The following SDK1 variants were observed in gnomAD, a reference collection of about 807,000 sequenced individuals.
SDK1 encodes sidekick cell adhesion molecule 1.
A neutral mutation model predicts 245.5 loss-of-function variants in SDK1; 157 were observed. That is an observed-to-expected ratio of 0.64 (90% CI 0.56 to 0.73). The LOEUF is 0.73. Among genes scored for constraint, SDK1 ranks in the 30% least tolerant of loss-of-function variants. The pLI is 0.00. For synonymous variants in SDK1, 1,647 were observed against 1,278.5 expected, an observed-to-expected ratio of 1.29 and a Z score of -6.15; for missense variants, 3,583 against 3,002.3, an observed-to-expected ratio of 1.19 and a Z score of -4.52.
chr7:3,662,134 G>A (rs557994858), intron 4 of SDK1, among the ~76,000 whole-genome samples: 5 of 148,978 alleles, frequency 3.4e-5, no homozygotes, highest in Admixed American at 1.3e-4. Context: ...CATCCCATCT[G>A]GAGGCACAAC....
intron 38 of SDK1, among the ~76,000 whole-genome samples, chr7:4,214,776 C>T (rs1784697607): frequency 6.6e-6 from 1 of 152,232 alleles, no homozygotes; most frequent in Non-Finnish European, 1.5e-5. Flanking sequence ...CAGCCCCCAC[C>T]CAATGGCCTT....
intron 22 of SDK1, among the ~76,000 whole-genome samples, chr7:4,092,437 C>G (rs751702785): frequency 3.3e-5 from 5 of 152,174 alleles, no homozygotes; most frequent in Non-Finnish European, 7.4e-5. Context: ...CTGTCCTAAA[C>G]TCCAGGCAGC....
At position 4,196,454 on chromosome 7, in the gene SDK1, C is replaced by T. The variant is rs559617056; in HGVS notation, c.5099-9425C>T. 2.0e-5 allele frequency among the ~76,000 whole-genome samples: 3 copies of T among 152,232 alleles called. No homozygotes were observed. In the South Asian group the frequency reaches 6.2e-4, roughly 31 times the overall value. On this transcript the variant is annotated intron_variant, in intron 35 of 44. Coordinates refer to ENST00000404826, the MANE Select transcript of SDK1 (RefSeq NM_152744.4). Reference sequence around the variant, plus strand: ...CTCTGATCTCTAAAGCCATTCAGTCCCCTGGACGTGCGGTGCCGTCTCTCC... The same window carrying T: ...CTCTGATCTCTAAAGCCATTCAGTCTCCTGGACGTGCGGTGCCGTCTCTCC...
intron 4 of SDK1, among the ~76,000 whole-genome samples, chr7:3,778,117 C>T (rs1780618584): frequency 6.6e-6 from 1 of 152,164 alleles, no homozygotes; most frequent in Admixed American, 6.5e-5. Context: ...AATGCATTTC[C>T]CATGCCGTCG....
At chr7:4,159,382 G>A (rs576598835) in intron 31 of SDK1, among the ~76,000 whole-genome samples, 46 of 152,116 alleles carry the variant, frequency 3.0e-4, no homozygotes, top group Non-Finnish European at 6.5e-4. Flanking sequence ...AACCATTCCC[G>A]GCTTCTCAGC....
intron 1 of SDK1, among the ~76,000 whole-genome samples, chr7:3,584,153 T>C (rs1271847011): frequency 6.6e-6 from 1 of 152,214 alleles, no homozygotes; most frequent in East Asian, 1.9e-4. Flanking sequence ...ATTCTGTGCT[T>C]ATATGAATTT....
chr7:3,937,810 G>A (rs1216441154), intron 5 of SDK1, among the ~76,000 whole-genome samples: 3 of 152,152 alleles, frequency 2.0e-5, no homozygotes, highest in Non-Finnish European at 4.4e-5. Flanking sequence ...GCCCGGGCTT[G>A]CATGTTTGGC....
intron 4 of SDK1, among the ~76,000 whole-genome samples, chr7:3,774,312 A>G (rs931272010): frequency 6.6e-6 from 1 of 152,138 alleles, no homozygotes; most frequent in African/African-American, 2.4e-5. Flanking sequence ...AAGGTGCAGC[A>G]ACAGCGGCCA....
intron 1 of SDK1, among the ~76,000 whole-genome samples, chr7:3,511,700 A>T (rs568478716): frequency 6.6e-6 from 1 of 152,242 alleles, no homozygotes; most frequent in East Asian, 1.9e-4. Flanking sequence ...GTCACTGTGG[A>T]CAGTTAAAGC....
At chr7:3,960,200 C>G (rs959171796) in intron 8 of SDK1, among the ~76,000 whole-genome samples, 1 of 152,210 alleles carries the variant, frequency 6.6e-6, no homozygotes, top group African/African-American at 2.4e-5. Context: ...AGTACAGTGC[C>G]AAAGGCACTG....
Position 4,264,308 on chromosome 7 carries a change from C to T in SDK1, c.6382-816C>T, listed in dbSNP as rs796305400. 8.4e-4 allele frequency among the ~76,000 whole-genome samples: 103 copies of T among 121,930 alleles called. 3 individuals carry two copies. Among genetic ancestry groups the T allele is most frequent in the Non-Finnish European group, 1.2e-3 (68 of 55,802 alleles). 80.0% of individuals were successfully genotyped at this position (121,930 alleles called of 152,430 possible). On this transcript the variant is annotated intron_variant, in intron 44 of 44. Transcript: ENST00000404826. ...CTCCTGAGTGGGGAGGCCGTGTAGA[C>T]CTCTCCTGAGTGAGGGAGGCCGCGT...
At chr7:3,311,751 CTG>C in intron 1 of SDK1, among the ~76,000 whole-genome samples, 1 of 152,278 alleles carries the variant, frequency 6.6e-6, no homozygotes, top group Middle Eastern at 3.4e-3. Context: ...CACACAGAAA[CTG>C]TGGACAAAAT....
intron 17 of SDK1, among the ~76,000 whole-genome samples, chr7:4,036,964 G>A (rs2128160615): frequency 6.6e-6 from 1 of 152,170 alleles, no homozygotes; most frequent in East Asian, 1.9e-4. Context: ...ATTCACTCAG[G>A]TGCCCAAAGA....
chr7:3,657,583 A>C (rs184852883), intron 4 of SDK1, among the ~76,000 whole-genome samples: 6 of 144,062 alleles, frequency 4.2e-5, no homozygotes, highest in Admixed American at 3.5e-4. Flanking sequence ...AGCCTGACTT[A>C]ATGTTTAGGG....
Position 4,054,044 on chromosome 7 carries a change from T to G in SDK1, c.2911+2214T>G, listed in dbSNP as rs111331533. Among the ~76,000 whole-genome samples, 324 of 152,122 alleles carry G rather than the reference T, an allele frequency of 2.1e-3. 1 individual carries two copies. The highest frequency in any genetic ancestry group is 4.0e-3 in the Non-Finnish European group (271 of 68,014). Reference sequence around the variant, plus strand: ...ACCTCTGCCTCCAGGGTTCAAGCAATTCTCCTGCCTTGGCCTCTCAAGTAG... The same window carrying G: ...ACCTCTGCCTCCAGGGTTCAAGCAAGTCTCCTGCCTTGGCCTCTCAAGTAG... On this transcript the variant is annotated intron_variant, in intron 19 of 44. Transcript: ENST00000404826.
chr7:3,662,386 A>C (rs796287471), intron 4 of SDK1, among the ~76,000 whole-genome samples: 3 of 152,306 alleles, frequency 2.0e-5, no homozygotes, highest in African/African-American at 7.2e-5. Flanking sequence ...AGCCAGGGAC[A>C]CATCTTTGCC....
intron 30 of SDK1, among the ~76,000 whole-genome samples, chr7:4,151,392 C>T (rs1424977282): frequency 2.0e-5 from 3 of 152,232 alleles, no homozygotes; most frequent in African/African-American, 7.2e-5. Flanking sequence ...CCAGCAAGGC[C>T]AGAGCCATTG....
intron 39 of SDK1, among the ~76,000 whole-genome samples, 174 bp from the exon 40 acceptor site, chr7:4,221,065 C>T (rs947941604): frequency 2.6e-5 from 4 of 152,200 alleles, no homozygotes; most frequent in Non-Finnish European, 4.4e-5. Flanking sequence ...CCACCACGCC[C>T]GGCCTTGCCT....
At chr7:3,795,510 A>G (rs530604414) in intron 4 of SDK1, among the ~76,000 whole-genome samples, 51 of 152,314 alleles carry the variant, frequency 3.3e-4, no homozygotes, top group African/African-American at 1.2e-3. Flanking sequence ...GTGACTTTAA[A>G]GAGCAAAGCT....
Sources: gnomAD v4.1 joint callset for allele counts (sites outside exome capture counted in the v4.1 genomes callset) on GRCh38, gnomAD v4.1.1 for gene constraint, MANE v1.5 for transcripts, NCBI Gene and HGNC (gene_info 2026-07-23, HGNC 2026-07-21) for gene names.